NEK10: variants seen among roughly 807,000 people sequenced by gnomAD.
NEK10 encodes the protein NIMA related kinase 10.
Under a neutral mutation model 159.8 loss-of-function variants are expected in NEK10, and 122 were observed. The ratio of observed to expected loss-of-function variants is 0.76; its 90% confidence interval spans 0.66 to 0.89. NEK10 has a LOEUF of 0.89. Ranked by LOEUF, NEK10 falls within the 40% of genes least tolerant of loss-of-function variation. The probability of loss-of-function intolerance (pLI) is 0.00; values close to 1 mark genes in which losing one functional copy is unlikely to be tolerated. For missense variants in NEK10, 1,342 were observed against 1,323.1 expected (o/e 1.01, Z -0.22); for synonymous variants, 466 against 457.1 (o/e 1.02, Z -0.25).
intron 1 of NEK10, among the ~76,000 whole-genome samples, chr3:27,361,576 T>C (rs796936363): frequency 3.3e-5 from 5 of 152,314 alleles, no homozygotes; most frequent in African/African-American, 9.6e-5. Context: ...AAGAAATATT[T>C]ATTGAGTCCC....
chr3:27,292,438 TAAAG>T (rs972120212), intron 16 of NEK10, among the ~76,000 whole-genome samples: 2 of 152,054 alleles, frequency 1.3e-5, no homozygotes, highest in African/African-American at 4.8e-5. Flanking sequence ...ATAAAACAAA[TAAAG>T]AGATTCATTC....
chr3:27,141,412 A>T, intron 31 of NEK10, 70 bp downstream of exon 31: 1 of 1,147,152 alleles, frequency 8.7e-7, no homozygotes, highest in Non-Finnish European at 1.3e-6. Context: ...CCTCCAAAAT[A>T]GTTCTTCAGC....
At chr3:27,329,769 G>A (rs9310843) in intron 5 of NEK10, among the ~76,000 whole-genome samples, 98,953 of 152,098 alleles carry the variant, frequency 0.65, 34,630 homozygotes, top group East Asian at 0.88. Flanking sequence ...TTAGAGAAAA[G>A]AGTACCAGCC....
chr3:27,137,793 T>A (rs1311379485), intron 31 of NEK10, among the ~76,000 whole-genome samples: 1 of 152,114 alleles, frequency 6.6e-6, no homozygotes, highest in African/African-American at 2.4e-5. Context: ...TGGACAAAAC[T>A]TGATAGATAA....
intron 1 of NEK10, among the ~76,000 whole-genome samples, chr3:27,366,862 A>T (rs1226208370): frequency 7.9e-6 from 1 of 126,972 alleles, no homozygotes; most frequent in Non-Finnish European, 1.6e-5. Context: ...CCCAGGCTGT[A>T]GAGCAGTGGC....
At chr3:27,120,333 T>TG (rs1941114916) in intron 32 of NEK10, among the ~76,000 whole-genome samples, 1 of 151,772 alleles carries the variant, frequency 6.6e-6, no homozygotes, top group South Asian at 2.1e-4. Flanking sequence ...TTTTCTTTTT[T>TG]TTTTTTCTGC....
chr3:27,344,458 G>A, intron 4 of NEK10, 88 bp from the exon 5 acceptor site: 1 of 657,320 alleles, frequency 1.5e-6, no homozygotes, highest in Non-Finnish European at 2.7e-6. Flanking sequence ...TCTATATTCA[G>A]GTAACATTTT....
At chr3:27,289,310 G>A (rs1044105619) in intron 19 of NEK10, among the ~76,000 whole-genome samples, 1 of 152,110 alleles carries the variant, frequency 6.6e-6, no homozygotes, top group Non-Finnish European at 1.5e-5. Flanking sequence ...TGTTAATGCA[G>A]GTTAATCTTA....
At chr3:27,147,399 G>A (rs1944407043) in intron 30 of NEK10, among the ~76,000 whole-genome samples, 1 of 152,240 alleles carries the variant, frequency 6.6e-6, no homozygotes, top group Non-Finnish European at 1.5e-5. Flanking sequence ...TTTGGAAGGA[G>A]CTTGGCAGTC....
Position 27,202,508 on chromosome 3 carries a change from C to T in NEK10, c.2140G>A (p.Ala714Thr). ...EPYGEKADVW[A>T]VGCILYQMAT... ...ATCTGATAAAGGATGCAGCCTACTG[C>T]CCAGACATCAGCCTTCTCCCCATAC... The change falls in exon 24 of 36, where the codon GCA becomes ACA. Residue 714 changes from alanine (A) to threonine (T), a missense_variant. Transcript: ENST00000691995. 1 of 1,612,900 alleles carries T rather than the reference C, an allele frequency of 6.2e-7. No individual in the cohort carries two copies. Among genetic ancestry groups the T allele is most frequent in the South Asian group, 1.1e-5 (1 of 90,838 alleles).
At chr3:27,172,729 T>C (rs1220989185) in intron 28 of NEK10, among the ~76,000 whole-genome samples, 1 of 152,152 alleles carries the variant, frequency 6.6e-6, no homozygotes, top group African/African-American at 2.4e-5. Flanking sequence ...ATATCACAAG[T>C]ATCCATAAAT....
chr3:27,113,346 G>A (rs186993444), intron 35 of NEK10, among the ~76,000 whole-genome samples: 6 of 147,282 alleles, frequency 4.1e-5, no homozygotes, highest in Admixed American at 7.0e-5. Flanking sequence ...CAGGAGAATC[G>A]CTTGAACCCA....
In NEK10 at chr3:27,310,848, A is replaced by C. The variant is rs144385984; in HGVS notation, c.636+101T>G. On this transcript the variant is annotated intron_variant, in intron 9 of 35. Transcript: ENST00000691995. ...TCAGGCCAGGCTGGTAGGTTTGTGGATTCTAATTACACATGACTTAACCGC... is the reference window on the plus strand; with the variant it reads ...TCAGGCCAGGCTGGTAGGTTTGTGGCTTCTAATTACACATGACTTAACCGC... 3 of 672,782 alleles carry C rather than the reference A, an allele frequency of 4.5e-6. No individual in the cohort carries two copies. The Admixed American group carries it at 7.6e-5, about 17-fold the overall frequency. 41.7% of individuals were successfully genotyped at this position (672,782 alleles called of 1,614,324 possible).
chr3:27,280,539 C>T (rs966898726), intron 22 of NEK10, among the ~76,000 whole-genome samples: 2 of 152,104 alleles, frequency 1.3e-5, no homozygotes, highest in African/African-American at 4.8e-5. Context: ...TTCCTTGAGC[C>T]CCGTTTGTTG....
At chr3:27,280,650 T>C (rs1336043353) in intron 22 of NEK10, among the ~76,000 whole-genome samples, 1 of 151,876 alleles carries the variant, frequency 6.6e-6, no homozygotes, top group East Asian at 1.9e-4. Flanking sequence ...GATTTTGGAG[T>C]CTTCAAAGGA....
chr3:27,261,318 A>G (rs1382381241), intron 22 of NEK10, among the ~76,000 whole-genome samples: 1 of 151,976 alleles, frequency 6.6e-6, no homozygotes, highest in Non-Finnish European at 1.5e-5. Flanking sequence ...TGATGTTAGG[A>G]TGTCAATTTT....
Position 27,174,735 on chromosome 3 carries a change from G to A in NEK10, c.2604C>T (p.Phe868=). 1 of 1,613,640 alleles carries A rather than the reference G, an allele frequency of 6.2e-7. No individual in the cohort carries two copies. Among genetic ancestry groups the A allele is most frequent in the Non-Finnish European group, 8.5e-7 (1 of 1,179,854 alleles). Residue 868 remains phenylalanine (F), a synonymous_variant, in exon 27 of 36, where the codon TTC becomes TTT. Coordinates refer to ENST00000691995, the MANE Select transcript of NEK10 (RefSeq NM_001394966.1). ...SESADLPPEG[F]QASYGKDEDR... is the part of the protein sequence containing the mutation. ...CTTCGTCTTTACCATAGGAGGCCTG[G>A]AAGCCTTCAGGGGGCAGGTCTGCGC...
intron 23 of NEK10, among the ~76,000 whole-genome samples, chr3:27,243,392 T>C (rs532295326): frequency 6.7e-6 from 1 of 149,878 alleles, no homozygotes; most frequent in South Asian, 2.1e-4. Context: ...AATGAAAATG[T>C]TTATTTAATT....
At chr3:27,254,544 G>C (rs981808019) in intron 23 of NEK10, among the ~76,000 whole-genome samples, 9 of 152,074 alleles carry the variant, frequency 5.9e-5, no homozygotes, top group African/African-American at 2.2e-4. Flanking sequence ...ACTCAGTTAA[G>C]GACATCAAAA....
Sources: gnomAD v4.1 joint callset for allele counts (sites outside exome capture counted in the v4.1 genomes callset) on GRCh38, gnomAD v4.1.1 for gene constraint, MANE v1.5 for transcripts, NCBI Gene and HGNC (gene_info 2026-07-23, HGNC 2026-07-21) for gene names.